Variants in UVRAG observed in about 807,000 individuals in gnomAD.
UVRAG encodes the protein UV radiation resistance-associated gene protein.
A neutral mutation model predicts 78.0 loss-of-function variants in UVRAG; 19 were observed. The observed-to-expected ratio is 0.24, with a 90% CI of 0.17 to 0.36. The LOEUF (loss-of-function observed/expected upper bound fraction) is 0.36, where lower values mean the gene tolerates loss of function less well. UVRAG is among the 10% of genes least tolerant of loss of function. The pLI, the probability that UVRAG is intolerant of heterozygous loss-of-function variation, is 1.00. For missense variants in UVRAG, 740 were observed against 853.8 expected (o/e 0.87, Z 1.66); for synonymous variants, 323 against 324.6 (o/e 1.00, Z 0.05).
chr11:76,060,322 A>G (rs1191355594), intron 12 of UVRAG, among the ~76,000 whole-genome samples: 3 of 152,212 alleles, frequency 2.0e-5, no homozygotes, highest in Non-Finnish European at 4.4e-5. Flanking sequence ...CTTACCTGCT[A>G]CCTATCATGA....
intron 1 of UVRAG, among the ~76,000 whole-genome samples, chr11:75,841,304 T>C (rs1458338430): frequency 6.6e-6 from 1 of 152,216 alleles, no homozygotes; most frequent in Non-Finnish European, 1.5e-5. Context: ...AAACTGTGAC[T>C]AACTGGCTGG....
chr11:76,128,065 G>A (rs1565172566), intron 14 of UVRAG, among the ~76,000 whole-genome samples: 1 of 152,196 alleles, frequency 6.6e-6, no homozygotes, highest in Non-Finnish European at 1.5e-5. Context: ...AAAAAGCAGT[G>A]CTTTTCAGTA....
intron 2 of UVRAG, among the ~76,000 whole-genome samples, chr11:75,856,046 GT>G (rs1264497747): frequency 1.3e-5 from 2 of 152,170 alleles, no homozygotes; most frequent in Non-Finnish European, 2.9e-5. Flanking sequence ...CTGGAGTGCA[GT>G]GGCGCGATTC....
chr11:75,913,717 T>C (rs946642826), intron 6 of UVRAG, among the ~76,000 whole-genome samples: 1 of 152,232 alleles, frequency 6.6e-6, no homozygotes, highest in Non-Finnish European at 1.5e-5. Context: ...GACGGTTTTC[T>C]GACAATGTTT....
At chr11:76,055,130 C>T (rs1950956027) in intron 12 of UVRAG, among the ~76,000 whole-genome samples, 1 of 152,156 alleles carries the variant, frequency 6.6e-6, no homozygotes, top group South Asian at 2.1e-4. Context: ...TCACTGCAAC[C>T]TTCATCTCCT....
intron 13 of UVRAG, among the ~76,000 whole-genome samples, chr11:76,096,153 G>T (rs1431307419): frequency 1.3e-5 from 2 of 152,070 alleles, no homozygotes; most frequent in African/African-American, 4.8e-5. Flanking sequence ...AGTCTCTCTG[G>T]CTTGAAAAAC....
chr11:76,135,894 A>G (rs1952590123), intron 14 of UVRAG, among the ~76,000 whole-genome samples: 2 of 152,128 alleles, frequency 1.3e-5, no homozygotes, highest in Admixed American at 6.5e-5. Flanking sequence ...AAACACACAC[A>G]TTTTTGCTTT....
chr11:75,903,281 C>T (rs970206068), intron 5 of UVRAG, among the ~76,000 whole-genome samples: 1 of 152,156 alleles, frequency 6.6e-6, no homozygotes, highest in Admixed American at 6.5e-5. Context: ...TTAAATGTAG[C>T]TCTGATTATA....
chr11:75,901,208 A>G (rs964551530), intron 5 of UVRAG, among the ~76,000 whole-genome samples: 1 of 152,210 alleles, frequency 6.6e-6, no homozygotes, highest in African/African-American at 2.4e-5. Flanking sequence ...CAAACACTGT[A>G]TTTTTAAAAA....
chr11:76,113,852 A>T (rs180840535), intron 13 of UVRAG, among the ~76,000 whole-genome samples: 33 of 146,420 alleles, frequency 2.3e-4, no homozygotes, highest in South Asian at 1.5e-3. Flanking sequence ...TCTATGATTT[A>T]AAAAAAAAAT....
At chr11:75,893,828 A>C (rs1947278963) in intron 5 of UVRAG, among the ~76,000 whole-genome samples, 1 of 148,932 alleles carries the variant, frequency 6.7e-6, no homozygotes, top group South Asian at 2.1e-4. Flanking sequence ...ATGTGACAGA[A>C]AAAAAAAAAA....
chr11:76,103,203 G>T (rs1440259948), intron 13 of UVRAG, among the ~76,000 whole-genome samples: 3 of 152,154 alleles, frequency 2.0e-5, no homozygotes, highest in African/African-American at 7.2e-5. Flanking sequence ...TGTGTGATTA[G>T]ACTGTCCCAC....
At chr11:75,999,038 GC>G (rs1949758928) in intron 8 of UVRAG, among the ~76,000 whole-genome samples, 1 of 152,076 alleles carries the variant, frequency 6.6e-6, no homozygotes, top group Non-Finnish European at 1.5e-5. Flanking sequence ...TTCAAGACCA[GC>G]CTGGCCAACA....
intron 5 of UVRAG, among the ~76,000 whole-genome samples, chr11:75,908,372 C>T (rs1947663596): frequency 6.6e-6 from 1 of 152,164 alleles, no homozygotes; most frequent in Non-Finnish European, 1.5e-5. Flanking sequence ...AATAATGCTG[C>T]TATGAATATG....
chr11:75,968,639 A>G (rs1005811035), intron 7 of UVRAG, among the ~76,000 whole-genome samples: 6 of 152,230 alleles, frequency 3.9e-5, no homozygotes, highest in Non-Finnish European at 8.8e-5. Flanking sequence ...TCTAGAAAAC[A>G]TATCTCAGTA....
rs111586821 is a variant in UVRAG at position 76,084,614 on chromosome 11, G to A, written c.1305+18826G>A. ...AAGTTATCTTATTTTTCTCATTTTAGTCTGAAACTCAGAATATATATAGTG... is the reference window on the plus strand; with the variant it reads ...AAGTTATCTTATTTTTCTCATTTTAATCTGAAACTCAGAATATATATAGTG... On this transcript the variant is annotated intron_variant, in intron 13 of 14. Coordinates refer to ENST00000356136, the MANE Select transcript of UVRAG (RefSeq NM_003369.4). Among the ~76,000 whole-genome samples the A allele has an allele frequency of 6.9e-3, 1,054 of 151,746 alleles. 16 individuals carry two copies. Among genetic ancestry groups the A allele is most frequent in the African/African-American group, 0.024 (1,009 of 41,322 alleles).
At chr11:75,871,094 G>C (rs946394625) in intron 3 of UVRAG, among the ~76,000 whole-genome samples, 23 of 151,970 alleles carry the variant, frequency 1.5e-4, no homozygotes. Context: ...GGCTGGTCAC[G>C]AACCCCAGAC....
intron 14 of UVRAG, among the ~76,000 whole-genome samples, chr11:76,135,231 T>C (rs1952579835): frequency 6.6e-6 from 1 of 152,184 alleles, no homozygotes; most frequent in Non-Finnish European, 1.5e-5. Context: ...ATAGGTGGGA[T>C]CATAGTGGCA....
chr11:76,063,615 A>G (rs745693838), intron 12 of UVRAG, among the ~76,000 whole-genome samples: 1 of 152,244 alleles, frequency 6.6e-6, no homozygotes, highest in Non-Finnish European at 1.5e-5. Flanking sequence ...ATTTGAAAAT[A>G]ATATTAGCCA....
Sources: gnomAD v4.1 joint callset for allele counts (sites outside exome capture counted in the v4.1 genomes callset) on GRCh38, gnomAD v4.1.1 for gene constraint, MANE v1.5 for transcripts, NCBI Gene and HGNC (gene_info 2026-07-23, HGNC 2026-07-21) for gene names.